Variants in RLF observed in about 807,000 individuals in gnomAD.
RLF encodes zinc finger protein Rlf.
Under a neutral mutation model 162.9 loss-of-function variants are expected in RLF, and 7 were observed. That is an observed-to-expected ratio of 0.04 (90% CI 0.02 to 0.08). RLF has a LOEUF of 0.08. Among genes scored for constraint, RLF ranks in the 10% least tolerant of loss-of-function variants. The pLI, the probability that RLF is intolerant of heterozygous loss-of-function variation, is 1.00. For synonymous variants in RLF, 782 were observed against 791.5 expected (o/e 0.99, Z 0.20); for missense variants, 1,664 against 2,244.7 (o/e 0.74, Z 5.23).
rs140333207 is a variant in RLF, at chr1:40,223,434, C to T, written c.947+724C>T. Among the ~76,000 whole-genome samples, 737 of 152,176 alleles carry T rather than the reference C, an allele frequency of 4.8e-3. 8 individuals are homozygous for T. Among genetic ancestry groups the T allele is most frequent in the African/African-American group, 0.017 (692 of 41,496 alleles). On this transcript the variant is annotated intron_variant, in intron 6 of 7. Coordinates refer to ENST00000372771, the MANE Select transcript of RLF (RefSeq NM_012421.4). Reference sequence around the variant, plus strand: ...CTGTATACCAGAGTATTAAAGGTGTCAGGGAGGAAGTAATATTTGAGATTT... The same window carrying T: ...CTGTATACCAGAGTATTAAAGGTGTTAGGGAGGAAGTAATATTTGAGATTT...
rs1240384043 is a variant in RLF, at chr1:40,239,371, T to A, written c.4669T>A (p.Leu1557Ile). The A allele has an allele frequency of 6.2e-7, 1 of 1,614,024 alleles. No homozygotes were observed. Among genetic ancestry groups the A allele is most frequent in the Non-Finnish European group, 8.5e-7 (1 of 1,180,028 alleles). Reference sequence around the variant, plus strand: ...GTACCCCTGCATGGTTCAAGGATGCTTATCTGTGGTGAAGTTGGAGAGCAG... The same window carrying A: ...GTACCCCTGCATGGTTCAAGGATGCATATCTGTGGTGAAGTTGGAGAGCAG... Reference protein sequence around the residue: ...TQYPCMVQGCLSVVKLESSIV... With the variant: ...TQYPCMVQGCISVVKLESSIV... The change falls in exon 8 of 8, where the codon TTA becomes ATA. Residue 1557 changes from leucine to isoleucine, a missense_variant. Leu to Ile is a conservative substitution (Grantham distance 5). This residue lies in a region of RLF where 17 missense variants were observed against 57.0 expected (regional missense o/e 0.30). Coordinates refer to ENST00000372771, the MANE Select transcript of RLF (RefSeq NM_012421.4).
At chr1:40,186,108 A>C (rs59720867) in intron 1 of RLF, among the ~76,000 whole-genome samples, 7,864 of 152,070 alleles carry the variant, frequency 0.052, 588 homozygotes, top group African/African-American at 0.17. Context: ...CAGTGAGCCG[A>C]GATTTCACCA....
chr1:40,162,033 T>C (rs1642094550), intron 1 of RLF, among the ~76,000 whole-genome samples: 1 of 152,114 alleles, frequency 6.6e-6, no homozygotes, highest in Middle Eastern at 3.2e-3. Context: ...CCCGGGTTTT[T>C]CTGAATAATC....
chr1:40,161,437 G>T lies in RLF; in HGVS notation c.38G>T (p.Gly13Val), dbSNP rs1642081047. 1.3e-6 allele frequency: 2 copies of T among 1,565,888 alleles called. No individual in the cohort carries two copies. The highest frequency in any genetic ancestry group is 2.3e-5 in the South Asian group (2 of 86,442). The change falls in exon 1 of 8, where the codon GGG becomes GTG. Residue 13 changes from glycine (G) to valine (V), a missense_variant. Gly to Val is a moderately radical substitution (Grantham distance 109, BLOSUM62 -3). Transcript: ENST00000372771. This position sits in a 1 kb window ranked among gnomAD's most constrained non-coding sequence, Gnocchi z 4.4. ...DGKGDAAAVAGAGAEAPAVAG... is the reference protein window; with the variant it reads ...DGKGDAAAVAVAGAEAPAVAG... ...AAGGGAGACGCCGCCGCTGTCGCCG[G>T]GGCTGGGGCTGAGGCTCCGGCGGTA...
intron 1 of RLF, among the ~76,000 whole-genome samples, chr1:40,169,853 C>T (rs944076003): frequency 6.6e-6 from 1 of 151,618 alleles, no homozygotes; most frequent in Non-Finnish European, 1.5e-5. Context: ...TCACCACACC[C>T]GGCTATTTGT....
In RLF at chr1:40,240,165, T is replaced by C. The variant is rs1387966369; in HGVS notation, c.5463T>C (p.Ser1821=). 2 of 1,614,068 alleles carry C rather than the reference T, an allele frequency of 1.2e-6. No homozygotes were observed. The highest frequency in any genetic ancestry group is 2.7e-5 in the African/African-American group (2 of 74,936). The change falls in exon 8 of 8, where the codon AGT becomes AGC. Residue 1821 remains serine (S), a synonymous_variant. Transcript: ENST00000372771. ...TGGCAAATAATATGGTGAATGACAGTGAACCTGAAGTTGACATACCTCATT... is the reference window on the plus strand; with the variant it reads ...TGGCAAATAATATGGTGAATGACAGCGAACCTGAAGTTGACATACCTCATT... ...NVVANNMVND[S]EPEVDIPHSS... is the part of the protein sequence containing the mutation.
chr1:40,239,933 A>G lies in RLF; in HGVS notation c.5231A>G (p.His1744Arg), dbSNP rs1462845623. The stretch of plus-strand genomic sequence containing the variant: ...GAAAACACTGTAAAAAATCCAACCC[A>G]TGTCCCAAAAGAGAATTTTAGGAAA... ...GQENTVKNPT[H>R]VPKENFRKHS... The change falls in exon 8 of 8, where the codon CAT (histidine) becomes CGT (arginine). Residue 1744 changes from histidine to arginine, a missense_variant. Around this residue, in one of 15 missense-constraint regions of RLF, gnomAD observed 327 missense variants for 342.7 expected, o/e 0.95. Transcript: ENST00000372771. 3 of 1,613,656 alleles carry G rather than the reference A, an allele frequency of 1.9e-6. No homozygotes were observed. Among genetic ancestry groups the G allele is most frequent in the Non-Finnish European group, 2.5e-6 (3 of 1,180,030 alleles).
At chr1:40,191,386 A>G (rs1642554807) in intron 3 of RLF, among the ~76,000 whole-genome samples, 1 of 152,074 alleles carries the variant, frequency 6.6e-6, no homozygotes, top group Non-Finnish European at 1.5e-5. Flanking sequence ...AAAAATACAA[A>G]TATTAGCCGG....
intron 1 of RLF, among the ~76,000 whole-genome samples, chr1:40,173,372 G>C (rs1642273768): frequency 1.3e-5 from 2 of 151,798 alleles, no homozygotes; most frequent in South Asian, 4.1e-4. Context: ...CACCACGCCT[G>C]GCCTACATTC....
rs1378350969 is a variant in RLF, at chr1:40,239,752, G to C, written c.5050G>C (p.Glu1684Gln). 7 of 1,614,152 alleles carry C rather than the reference G, an allele frequency of 4.3e-6. No homozygotes were observed. Among genetic ancestry groups the C allele is most frequent in the East Asian group, 2.2e-5 (1 of 44,876 alleles). Residue 1684 changes from glutamate to glutamine, a missense_variant, in exon 8 of 8, where the codon GAA (glutamate) becomes CAA (glutamine). Physicochemically the swap from Glu to Gln is conservative, Grantham distance 29. Transcript: ENST00000372771. ...TCATAGTTCCAAAACCACTTCCCTA[G>C]AACAGTGTAATATAGTTCAGCCTCC... ...CNHSSKTTSL[E>Q]QCNIVQPPPP...
At chr1:40,204,844 C>G (rs1642767467) in intron 5 of RLF, among the ~76,000 whole-genome samples, 1 of 152,164 alleles carries the variant, frequency 6.6e-6, no homozygotes, top group African/African-American at 2.4e-5. Context: ...CTGAACTTAA[C>G]TCCCTATTTC....
At chr1:40,217,487 A>G (rs1228428258) in intron 5 of RLF, among the ~76,000 whole-genome samples, 1 of 151,628 alleles carries the variant, frequency 6.6e-6, no homozygotes, top group Admixed American at 6.6e-5. Flanking sequence ...TAAAAAACAA[A>G]TGGGCCGGGT....
chr1:40,180,464 G>T (rs1642390996), intron 1 of RLF, among the ~76,000 whole-genome samples: 1 of 152,080 alleles, frequency 6.6e-6, no homozygotes, highest in Admixed American at 6.6e-5. Context: ...GTTTCACCAT[G>T]TTGGCCAGGC....
At chr1:40,192,168 A>C (rs542499405) in intron 3 of RLF, among the ~76,000 whole-genome samples, 3 of 152,182 alleles carry the variant, frequency 2.0e-5, no homozygotes, top group Admixed American at 6.5e-5. Context: ...AATATCTCAC[A>C]TATCCGTACA....
chr1:40,202,213 T>G (rs1348715746), intron 4 of RLF, among the ~76,000 whole-genome samples, 199 bp from the exon 5 acceptor site: 1 of 152,226 alleles, frequency 6.6e-6, no homozygotes, highest in Non-Finnish European at 1.5e-5. Context: ...GCATTTATGC[T>G]TATAGTTCAT....
intron 1 of RLF, among the ~76,000 whole-genome samples, chr1:40,177,540 G>A (rs963950820): frequency 6.6e-5 from 10 of 151,608 alleles, no homozygotes; most frequent in East Asian, 1.9e-4. Context: ...TGATCTGCCC[G>A]CCCCCACCTC....
At chr1:40,169,484 C>T (rs959306087) in intron 1 of RLF, among the ~76,000 whole-genome samples, 2 of 150,454 alleles carry the variant, frequency 1.3e-5, no homozygotes, top group Non-Finnish European at 3.0e-5. Flanking sequence ...GGCGCGGTGG[C>T]GGGCGCCTGT....
chr1:40,231,414 C>A, intron 6 of RLF, 103 bp from the exon 7 acceptor site: 2 of 939,484 alleles, frequency 2.1e-6, no homozygotes, highest in Non-Finnish European at 3.2e-6. Flanking sequence ...TTTTTGTTTT[C>A]TCTACTGTCA....
chr1:40,216,105 A>C (rs1642920696), intron 5 of RLF, among the ~76,000 whole-genome samples: 1 of 152,206 alleles, frequency 6.6e-6, no homozygotes, highest in Non-Finnish European at 1.5e-5. Context: ...ACAGAAATAA[A>C]AAGGATTATA....
Sources: gnomAD v4.1 joint callset for allele counts (sites outside exome capture counted in the v4.1 genomes callset) on GRCh38, gnomAD v4.1.1 for gene constraint, gnomAD v4.1.1 regional missense constraint, Gnocchi (gnomAD v3.1) non-coding constraint, MANE v1.5 for transcripts, NCBI Gene and HGNC (gene_info 2026-07-23, HGNC 2026-07-21) for gene names.